The following PIK3CG variants were observed in gnomAD, a reference collection of about 807,000 sequenced individuals.
PIK3CG encodes phosphatidylinositol 4,5-bisphosphate 3-kinase catalytic subunit gamma isoform.
Under a neutral mutation model 102.3 loss-of-function variants are expected in PIK3CG, and 55 were observed. The observed-to-expected ratio is 0.54, with a 90% CI of 0.43 to 0.67. The LOEUF (loss-of-function observed/expected upper bound fraction) is 0.67, where lower values mean the gene tolerates loss of function less well. Among genes scored for constraint, PIK3CG ranks in the 30% least tolerant of loss-of-function variants. PIK3CG has a pLI of 0.00. For synonymous variants in PIK3CG, 552 were observed against 540.0 expected (o/e 1.02, Z -0.31); for missense variants, 1,258 against 1,391.8 (o/e 0.90, Z 1.53).
rs1012906666 is a variant in PIK3CG at position 106,890,451 on chromosome 7, G to A, written c.3030+4159G>A. On this transcript the variant is annotated intron_variant, in intron 10 of 10. Coordinates refer to ENST00000496166, the MANE Select transcript of PIK3CG (RefSeq NM_001282426.2). This position sits in a 1 kb window ranked among gnomAD's most constrained non-coding sequence, Gnocchi z 4.2. ...CTGCCTCAGCCTCCCAAAGTGCTGG[G>A]ACTACAGGCGTGAGCCAGCGTGCCC... 4.6e-5 allele frequency among the ~76,000 whole-genome samples: 7 copies of A among 152,254 alleles called. No individual in the cohort carries two copies. The highest frequency in any genetic ancestry group is 1.7e-4 in the African/African-American group (7 of 41,468).
Position 106,897,512 on chromosome 7 carries a change from T to C in PIK3CG, c.3031-7597T>C, listed in dbSNP as rs1328782773. Among the ~76,000 whole-genome samples, 13 of 152,084 alleles carry C rather than the reference T, an allele frequency of 8.5e-5. No homozygotes were observed. The highest frequency in any genetic ancestry group is 8.5e-4 in the Admixed American group (13 of 15,280). The stretch of plus-strand genomic sequence containing the variant: ...GCCCAGTACCCAATAGTTATCTTTT[T>C]TGCTCCTCTCCCTCCTCTCATTCTC... On this transcript the variant is annotated intron_variant, in intron 10 of 10. Coordinates refer to ENST00000496166, the MANE Select transcript of PIK3CG (RefSeq NM_001282426.2). This position sits in a 1 kb window ranked among gnomAD's most constrained non-coding sequence, Gnocchi z 4.6.
Position 106,869,666 on chromosome 7 carries a change from C to G in PIK3CG, c.1995+110C>G, listed in dbSNP as rs773185352. 6.7e-6 allele frequency: 6 copies of G among 892,036 alleles called. No individual in the cohort carries two copies. The highest frequency in any genetic ancestry group is 1.7e-5 in the African/African-American group (1 of 59,084). 55.3% of individuals were successfully genotyped at this position (892,036 alleles called of 1,614,324 possible). ...AAATGCCCTTTGTTCAGAGCTTCAT[C>G]ATCGGCAAAAGTAGATATGATGAAG... On this transcript the variant is annotated intron_variant, in intron 2 of 10. Coordinates refer to ENST00000496166, the MANE Select transcript of PIK3CG (RefSeq NM_001282426.2). The surrounding 1 kb of genome is among the most constrained non-coding windows in gnomAD (Gnocchi z 5.3).
At chr7:106,876,504 G>A (rs1261190896) in intron 5 of PIK3CG, among the ~76,000 whole-genome samples, 1 of 149,886 alleles carries the variant, frequency 6.7e-6, no homozygotes, top group Non-Finnish European at 1.5e-5. Context: ...CCATTCTCCT[G>A]CCTCAGCCTC....
rs1047020 is a variant in PIK3CG at position 106,906,824 on chromosome 7, A to G, written c.*1437A>G. On this transcript the variant is annotated 3_prime_UTR_variant, in exon 11 of 11. Coordinates refer to ENST00000496166, the MANE Select transcript of PIK3CG (RefSeq NM_001282426.2). ...CCTGTTTGACTTTGAGGTAGTCCAG[A>G]CCTTTTCTTTTTTTTTTTTTTTTTA... 1 of 213,950 alleles carries G rather than the reference A, an allele frequency of 4.7e-6. No homozygotes were observed. 13.3% of individuals were successfully genotyped at this position (213,950 alleles called of 1,614,324 possible). A position where few individuals can be genotyped will look rare whatever the true frequency, so the allele number is the denominator to read the frequency against.
rs186222917 is a variant in PIK3CG, at chr7:106,889,262, A to G, written c.3030+2970A>G. On this transcript the variant is annotated intron_variant, in intron 10 of 10. Coordinates refer to ENST00000496166, the MANE Select transcript of PIK3CG (RefSeq NM_001282426.2). ...AAAACCTGAACACCACAGCTTTAACATACATATATGCAGAATTTCCAAAGT... is the reference window on the plus strand; with the variant it reads ...AAAACCTGAACACCACAGCTTTAACGTACATATATGCAGAATTTCCAAAGT... Among the ~76,000 whole-genome samples the G allele has an allele frequency of 8.5e-5, 13 of 152,292 alleles. No individual in the cohort carries two copies. In the East Asian group the frequency reaches 2.5e-3, roughly 29 times the overall value.
At position 106,868,347 on chromosome 7, in the gene PIK3CG, C is replaced by G. The variant is rs555666943; in HGVS notation, c.786C>G (p.Pro262=). The G allele has an allele frequency of 6.2e-7, 1 of 1,614,192 alleles. No homozygotes were observed. Among genetic ancestry groups the G allele is most frequent in the Non-Finnish European group, 8.5e-7 (1 of 1,180,028 alleles). Residue 262 remains proline, a synonymous_variant, in exon 2 of 11, where the codon CCC becomes CCG. Transcript: ENST00000496166. This position sits in a 1 kb window ranked among gnomAD's most constrained non-coding sequence, Gnocchi z 6.2. ...MAKKKSLMDI[P]ESQSEQDFVL... The stretch of plus-strand genomic sequence containing the variant: ...AGAAGAAATCTCTGATGGATATTCC[C>G]GAAAGCCAAAGCGAACAGGATTTTG...
chr7:106,896,430 C>G (rs552859522), intron 10 of PIK3CG, among the ~76,000 whole-genome samples: 318 of 152,264 alleles, frequency 2.1e-3, no homozygotes, highest in Non-Finnish European at 2.8e-3. Context: ...AAAGGCGTCC[C>G]CATCTATGTC....
At chr7:106,878,558 G>A (rs1790835140) in intron 5 of PIK3CG, among the ~76,000 whole-genome samples, 1 of 152,164 alleles carries the variant, frequency 6.6e-6, no homozygotes. Flanking sequence ...GCAGTAATCT[G>A]GGGCAATTAC....
In PIK3CG at chr7:106,874,101, G is replaced by A. The variant is rs1790636057; in HGVS notation, c.2288-599G>A. Among the ~76,000 whole-genome samples the A allele has an allele frequency of 6.6e-6, 1 of 151,936 alleles. No individual in the cohort carries two copies. Among genetic ancestry groups the A allele is most frequent in the Admixed American group, 6.6e-5 (1 of 15,254 alleles). ...AATGCTTCCTCCTAAAAATGATGAT[G>A]GTAATAATAATATTTTATTTGCATT... is the stretch of plus-strand genomic sequence containing the variant. On this transcript the variant is annotated intron_variant, in intron 4 of 10. Coordinates refer to ENST00000496166, the MANE Select transcript of PIK3CG (RefSeq NM_001282426.2). This position sits in a 1 kb window ranked among gnomAD's most constrained non-coding sequence, Gnocchi z 4.3.
At chr7:106,896,310 A>G (rs1011655682) in intron 10 of PIK3CG, among the ~76,000 whole-genome samples, 2 of 152,206 alleles carry the variant, frequency 1.3e-5, no homozygotes, top group Non-Finnish European at 2.9e-5. Context: ...TCTATTAAAA[A>G]GAGTTTGACC....
intron 10 of PIK3CG, among the ~76,000 whole-genome samples, chr7:106,886,811 C>T (rs971585888): frequency 6.6e-5 from 10 of 152,134 alleles, no homozygotes; most frequent in Admixed American, 3.9e-4. Context: ...GTTGGTTTGA[C>T]CACAAGTTCT....
Position 106,900,997 on chromosome 7 carries a change from T to G in PIK3CG, c.3031-4112T>G, listed in dbSNP as rs140566735. Among the ~76,000 whole-genome samples, 1,358 of 152,346 alleles carry G rather than the reference T, an allele frequency of 8.9e-3. 13 individuals are homozygous for G. The highest frequency in any genetic ancestry group is 0.013 in the Non-Finnish European group (905 of 68,030). Reference sequence around the variant, plus strand: ...TCTAGCTACCTTTAACATTCTTTCCTTCATTTCGACCTTGGAAAATCTGAT... The same window carrying G: ...TCTAGCTACCTTTAACATTCTTTCCGTCATTTCGACCTTGGAAAATCTGAT... On this transcript the variant is annotated intron_variant, in intron 10 of 10. Coordinates refer to ENST00000496166, the MANE Select transcript of PIK3CG (RefSeq NM_001282426.2).
chr7:106,876,870 C>T (rs924053602), intron 5 of PIK3CG, among the ~76,000 whole-genome samples: 6 of 152,060 alleles, frequency 3.9e-5, no homozygotes, highest in African/African-American at 1.4e-4. Flanking sequence ...GCAACTTTTT[C>T]TTAAATGGTT....
chr7:106,890,057 A>G lies in PIK3CG; in HGVS notation c.3030+3765A>G, dbSNP rs1791228171. 6.6e-6 allele frequency among the ~76,000 whole-genome samples: 1 copy of G among 152,268 alleles called. No homozygotes were observed. ...ACTCATTGGTAATTTATTCTAGACC[A>G]TGTTATTTTAAATTTCACTGAACAG... On this transcript the variant is annotated intron_variant, in intron 10 of 10. Transcript: ENST00000496166. This position sits in a 1 kb window ranked among gnomAD's most constrained non-coding sequence, Gnocchi z 4.2.
Position 106,868,100 on chromosome 7 carries a change from T to G in PIK3CG, c.539T>G (p.Leu180Trp). The G allele has an allele frequency of 6.2e-7, 1 of 1,612,804 alleles. No individual in the cohort carries two copies. The highest frequency in any genetic ancestry group is 1.7e-5 in the Admixed American group (1 of 60,008). ...GAGCTGGAGTTCACGCGCCGTGGCTTGGTGACCCCGCGCATGGCGGAGGTG... is the reference window on the plus strand; with the variant it reads ...GAGCTGGAGTTCACGCGCCGTGGCTGGGTGACCCCGCGCATGGCGGAGGTG... ...DDELEFTRRGLVTPRMAEVAS... is the reference protein window; with the variant it reads ...DDELEFTRRGWVTPRMAEVAS... Residue 180 changes from leucine to tryptophan, a missense_variant, in exon 2 of 11, where the codon TTG becomes TGG. Leu to Trp is a moderately conservative substitution (Grantham distance 61). This residue lies in a region of PIK3CG where 832 missense variants were observed against 787.5 expected (regional missense o/e 1.06). Transcript: ENST00000496166. The surrounding 1 kb of genome is among the most constrained non-coding windows in gnomAD (Gnocchi z 6.2).
intron 5 of PIK3CG, among the ~76,000 whole-genome samples, chr7:106,878,315 G>A (rs536077869): frequency 6.6e-6 from 1 of 152,066 alleles, no homozygotes; most frequent in Non-Finnish European, 1.5e-5. Context: ...TCAGCAATTT[G>A]ATTATGATGT....
chr7:106,892,776 A>T lies in PIK3CG; in HGVS notation c.3030+6484A>T, dbSNP rs574695633. On this transcript the variant is annotated intron_variant, in intron 10 of 10. Transcript: ENST00000496166. The surrounding 1 kb of genome is among the most constrained non-coding windows in gnomAD (Gnocchi z 5.2). ...ATAGAAAAGGGCTATTCAGAGAAGC[A>T]TGTGTTTTTCTCAGGCCTTAAGGGA... Among the ~76,000 whole-genome samples, 29 of 152,312 alleles carry T rather than the reference A, an allele frequency of 1.9e-4. 2 individuals are homozygous for T. In the South Asian group the frequency reaches 5.2e-3, roughly 27 times the overall value.
intron 4 of PIK3CG, among the ~76,000 whole-genome samples, chr7:106,873,624 A>G (rs1171418849): frequency 6.6e-6 from 1 of 152,136 alleles, no homozygotes; most frequent in Non-Finnish European, 1.5e-5. Flanking sequence ...ATACTATACC[A>G]TTTTATATCA....
intron 5 of PIK3CG, among the ~76,000 whole-genome samples, chr7:106,878,179 T>A (rs1790819481): frequency 6.6e-6 from 1 of 152,246 alleles, no homozygotes; most frequent in Admixed American, 6.5e-5. Context: ...TGACTGGTTT[T>A]TTTCTTGCAG....
Sources: allele counts gnomAD v4.1 joint callset (sites outside exome capture counted in the v4.1 genomes callset), GRCh38; gene constraint gnomAD v4.1.1; regional missense constraint gnomAD v4.1.1; non-coding constraint Gnocchi (gnomAD v3.1); transcripts MANE v1.5; gene names NCBI Gene and HGNC (gene_info 2026-07-23, HGNC 2026-07-21).